The following FRMD4A variants were observed in gnomAD, a reference collection of about 807,000 sequenced individuals.
The protein encoded by FRMD4A is FERM domain containing 4A.
Under a neutral mutation model 129.1 loss-of-function variants are expected in FRMD4A, and 29 were observed. The observed-to-expected ratio is 0.22, with a 90% CI of 0.17 to 0.31. The LOEUF (loss-of-function observed/expected upper bound fraction) is 0.31. Among genes scored for constraint, FRMD4A ranks in the 10% least tolerant of loss-of-function variants. The probability of loss-of-function intolerance (pLI) is 1.00; values close to 1 mark genes in which losing one functional copy is unlikely to be tolerated. For synonymous variants in FRMD4A, 634 were observed against 571.6 expected (o/e 1.11, Z -1.56); for missense variants, 1,272 against 1,375.8 (o/e 0.92, Z 1.19).
At chr10:14,158,678 G>C (rs1188590032) in intron 2 of FRMD4A, among the ~76,000 whole-genome samples, 1 of 151,566 alleles carries the variant, frequency 6.6e-6, no homozygotes, top group Non-Finnish European at 1.5e-5. Context: ...GAAAGAGGAG[G>C]AGGAGGAAGA....
At chr10:13,952,820 A>C (rs997129153) in intron 2 of FRMD4A, among the ~76,000 whole-genome samples, 2 of 152,138 alleles carry the variant, frequency 1.3e-5, no homozygotes, top group Middle Eastern at 3.4e-3. Context: ...CAGCCTCCCG[A>C]GTAGCTGGGA....
chr10:13,783,066 C>G, intron 5 of FRMD4A, 60 bp from the exon 6 acceptor site: 1 of 765,774 alleles, frequency 1.3e-6, no homozygotes, highest in South Asian at 1.4e-5. Context: ...ATAAAGTGCT[C>G]TCTTGAGCTA....
chr10:13,652,088 T>TAC, intron 23 of FRMD4A, 114 bp from the exon 24 acceptor site: 1 of 732,122 alleles, frequency 1.4e-6, no homozygotes, highest in South Asian at 1.5e-5. Flanking sequence ...GGCTTGCTGA[T>TAC]TAGACACCTG....
At chr10:14,172,511 T>C (rs1158516029) in intron 2 of FRMD4A, among the ~76,000 whole-genome samples, 1 of 152,210 alleles carries the variant, frequency 6.6e-6, no homozygotes, top group Non-Finnish European at 1.5e-5. Context: ...CCCTTCGAAG[T>C]CTACGAGAGT....
intron 2 of FRMD4A, among the ~76,000 whole-genome samples, chr10:13,939,662 C>A (rs927371706): frequency 2.0e-5 from 3 of 152,132 alleles, no homozygotes; most frequent in African/African-American, 7.2e-5. Flanking sequence ...TAGAATGGAA[C>A]AAAATCCTGG....
At chr10:14,023,670 G>A (rs1370448911) in intron 2 of FRMD4A, among the ~76,000 whole-genome samples, 1 of 152,234 alleles carries the variant, frequency 6.6e-6, no homozygotes, top group Non-Finnish European at 1.5e-5. Context: ...GGAAGAAAGA[G>A]TGTGGTTGGT....
intron 2 of FRMD4A, among the ~76,000 whole-genome samples, chr10:14,253,860 T>C (rs934698935): frequency 6.6e-6 from 1 of 152,134 alleles, no homozygotes; most frequent in Non-Finnish European, 1.5e-5. Context: ...TGGCAGGTAA[T>C]GTTGTAATTT....
In FRMD4A at chr10:14,274,920, G is replaced by T. The variant is rs1845286979; in HGVS notation, c.45+55138C>A. 2.0e-5 allele frequency among the ~76,000 whole-genome samples: 3 copies of T among 152,146 alleles called. No homozygotes were observed. In the South Asian group the frequency reaches 6.2e-4, roughly 32 times the overall value. On this transcript the variant is annotated intron_variant, in intron 2 of 24. Transcript: ENST00000357447. ...TATTTCGGTTTGGCATCTGAATTCT[G>T]AATAAGTTCTTACTCCTGTCCTTGA...
intron 21 of FRMD4A, among the ~76,000 whole-genome samples, chr10:13,657,790 T>G (rs1323046414): frequency 1.4e-5 from 2 of 147,750 alleles, no homozygotes; most frequent in African/African-American, 2.5e-5. Flanking sequence ...ATTTCTGGGT[T>G]TTTTTTTTTT....
chr10:14,053,810 GGGAA>G (rs1402799657), intron 2 of FRMD4A, among the ~76,000 whole-genome samples: 1 of 152,040 alleles, frequency 6.6e-6, no homozygotes, highest in East Asian at 1.9e-4. Context: ...GATTGCTTGA[GGGAA>G]GGAGCTTGAG....
At chr10:13,904,504 C>T (rs1356431505) in intron 2 of FRMD4A, among the ~76,000 whole-genome samples, 1 of 152,188 alleles carries the variant, frequency 6.6e-6, no homozygotes, top group East Asian at 1.9e-4. Context: ...TACTGCTCTC[C>T]GTCAAGAATT....
intron 2 of FRMD4A, among the ~76,000 whole-genome samples, chr10:13,956,823 C>T (rs1170877844): frequency 6.6e-6 from 1 of 152,140 alleles, no homozygotes. Flanking sequence ...GGTTGGATGA[C>T]AAAACAAAAC....
chr10:14,078,828 T>C (rs955675761), intron 2 of FRMD4A, among the ~76,000 whole-genome samples: 4 of 152,218 alleles, frequency 2.6e-5, no homozygotes, highest in African/African-American at 9.6e-5. Context: ...GGCTGCCTTG[T>C]GGCACCGTCC....
At chr10:14,153,556 G>A (rs187519575) in intron 2 of FRMD4A, among the ~76,000 whole-genome samples, 1 of 152,160 alleles carries the variant, frequency 6.6e-6, no homozygotes, top group African/African-American at 2.4e-5. Context: ...GTAAGATGAG[G>A]CTACACCAGT....
At chr10:14,282,860 C>A (rs187496227) in intron 2 of FRMD4A, among the ~76,000 whole-genome samples, 106 of 152,318 alleles carry the variant, frequency 7.0e-4, no homozygotes, top group African/African-American at 2.4e-3. Context: ...GCCTACTGCT[C>A]TGAGGGACAC....
intron 2 of FRMD4A, among the ~76,000 whole-genome samples, chr10:13,927,984 TG>T (rs2088449481): frequency 6.6e-6 from 1 of 151,672 alleles, no homozygotes; most frequent in Admixed American, 6.6e-5. Context: ...GAAATTCAGC[TG>T]GGAGGAAAAG....
intron 2 of FRMD4A, among the ~76,000 whole-genome samples, chr10:14,089,627 AAACAAAAAAAAAC>A (rs1215291024): frequency 8.1e-4 from 25 of 30,992 alleles, no homozygotes; most frequent in East Asian, 6.6e-3. Context: ...GCAAAAAAAA[AAACAAAAAAAAAC>A]AAACAAAAAA....
rs1312261209 is a variant in FRMD4A, at chr10:14,330,069, C to A, written c.34G>T (p.Gly12Cys). ...GTCTGAACACTCACCATCAGCAGGC[C>A]GAGAGCTGAGTCGGGCACCAGCTGC... ...AVQLVPDSAL[G>C]LLMMTEGRRC... The change falls in exon 2 of 25, where the codon GGC becomes TGC. Residue 12 changes from glycine to cysteine, a missense_variant. By Grantham distance (159) the Gly-to-Cys change is radical. Coordinates refer to ENST00000357447, the MANE Select transcript of FRMD4A (RefSeq NM_018027.5). The A allele has an allele frequency of 6.4e-7, 1 of 1,553,214 alleles. No homozygotes were observed. The highest frequency in any genetic ancestry group is 8.7e-7 in the Non-Finnish European group (1 of 1,147,720).
chr10:14,170,825 C>CT (rs59936427), intron 2 of FRMD4A, among the ~76,000 whole-genome samples: 135,861 of 151,796 alleles, frequency 0.9, 61,622 homozygotes, highest in East Asian at 1. Context: ...CTCTTCTCCC[C>CT]GTCCTCTCCT....
Sources: allele counts gnomAD v4.1 joint callset (sites outside exome capture counted in the v4.1 genomes callset), GRCh38; gene constraint gnomAD v4.1.1; transcripts MANE v1.5; gene names NCBI Gene and HGNC (gene_info 2026-07-23, HGNC 2026-07-21).